EPC1: variants seen among roughly 807,000 people sequenced by gnomAD.
EPC1 encodes enhancer of polycomb 1.
Under a neutral mutation model 98.4 loss-of-function variants are expected in EPC1, and 12 were observed. The ratio of observed to expected loss-of-function variants is 0.12; its 90% CI spans 0.08 to 0.20. The LOEUF (loss-of-function observed/expected upper bound fraction) is 0.20, where lower values mean the gene tolerates loss of function less well. EPC1 is among the 10% of genes least tolerant of loss of function. The pLI, the probability that EPC1 is intolerant of heterozygous loss-of-function variation, is 1.00. For missense variants in EPC1, 729 were observed against 990.5 expected (o/e 0.74, Z 3.54); for synonymous variants, 357 against 363.9 (o/e 0.98, Z 0.21).
At position 32,269,153 on chromosome 10, in the gene EPC1, A is replaced by T; in HGVS notation, c.2370-18T>A. The T allele has an allele frequency of 1.9e-6, 3 of 1,601,806 alleles. No homozygotes were observed. Among genetic ancestry groups the T allele is most frequent in the Non-Finnish European group, 2.6e-6 (3 of 1,169,654 alleles). On this transcript the variant is annotated intron_variant, in intron 13 of 13. Transcript: ENST00000319778. ...GATTTTCCCTGTTGAAATAAAGTTCAATCAATTACTTATCTACAACATAAA... is the reference window on the plus strand; with the variant it reads ...GATTTTCCCTGTTGAAATAAAGTTCTATCAATTACTTATCTACAACATAAA...
rs1431808586 is a variant in EPC1, at chr10:32,267,754, G to A, written c.*1309C>T. The A allele has an allele frequency of 6.6e-6, 1 of 152,176 alleles. No individual in the cohort carries two copies. Among genetic ancestry groups the A allele is most frequent in the African/African-American group, 2.4e-5 (1 of 41,436 alleles). The allele number at this position is 152,176 out of a possible 1,614,324, so 9.4% of individuals were successfully genotyped here. On this transcript the variant is annotated 3_prime_UTR_variant, in exon 14 of 14. Coordinates refer to ENST00000319778, the MANE Select transcript of EPC1 (RefSeq NM_001272004.3). ...AAAAGCAAAAGACCACTACACATTA[G>A]TTTGTCAACATGTAATGCCCTGGGT...
intron 10 of EPC1, among the ~76,000 whole-genome samples, chr10:32,279,944 A>G (rs988283653): frequency 1.3e-5 from 2 of 152,092 alleles, no homozygotes; most frequent in Non-Finnish European, 2.9e-5. Flanking sequence ...GTTCCTTACC[A>G]CTGTGTTATC....
intron 1 of EPC1, among the ~76,000 whole-genome samples, chr10:32,374,852 G>T (rs973729811): frequency 6.6e-6 from 1 of 151,736 alleles, no homozygotes; most frequent in African/African-American, 2.4e-5. Flanking sequence ...TAATAGATGG[G>T]GGAAGATCTA....
chr10:32,309,718 G>C (rs980784382), intron 1 of EPC1, among the ~76,000 whole-genome samples: 1 of 147,778 alleles, frequency 6.8e-6, no homozygotes, highest in Non-Finnish European at 1.5e-5. Context: ...TAAAGAAGAA[G>C]AACAATGTAG....
At chr10:32,283,124 T>A (rs1439591532) in intron 10 of EPC1, 3 of 152,200 alleles carry the variant, frequency 2.0e-5, no homozygotes, top group African/African-American at 7.2e-5. Flanking sequence ...TTCATAGAAG[T>A]ACAGCTGACC....
chr10:32,273,743 T>C (rs1835949343), intron 10 of EPC1, among the ~76,000 whole-genome samples: 1 of 152,194 alleles, frequency 6.6e-6, no homozygotes, highest in Admixed American at 6.6e-5. Flanking sequence ...TGTGTATATA[T>C]ACTAATAGTT....
At chr10:32,332,508 C>T (rs746505068) in intron 1 of EPC1, among the ~76,000 whole-genome samples, 2 of 152,158 alleles carry the variant, frequency 1.3e-5, no homozygotes, top group Non-Finnish European at 1.5e-5. Context: ...AAAAGACTTG[C>T]GTGCTGTCTT....
chr10:32,298,562 G>A (rs1592565421), intron 2 of EPC1, among the ~76,000 whole-genome samples: 1 of 152,156 alleles, frequency 6.6e-6, no homozygotes, highest in South Asian at 2.1e-4. Context: ...AGACTGTTGT[G>A]AAGATGTTAT....
intron 1 of EPC1, among the ~76,000 whole-genome samples, chr10:32,327,103 A>G (rs1837342038): frequency 6.7e-6 from 1 of 150,180 alleles, no homozygotes; most frequent in Non-Finnish European, 1.5e-5. Context: ...ACAATGGAAT[A>G]ATATTCAGCT....
rs535300277 is a variant in EPC1 at position 32,273,180 on chromosome 10, A to C, written c.1846T>G (p.Ser616Ala). 5.6e-6 allele frequency: 9 copies of C among 1,614,138 alleles called. No individual in the cohort carries two copies. Among genetic ancestry groups the C allele is most frequent in the Admixed American group, 3.3e-5 (2 of 60,020 alleles). The stretch of plus-strand genomic sequence containing the variant: ...TCCCTCACCTGTGATGTGTTGGTGG[A>C]GGAATTACTATTTGCTTGCTGTTGC... Reference protein sequence around the residue: ...IQQQQANSNSSTNTSQGFVSK... With the variant: ...IQQQQANSNSATNTSQGFVSK... The change falls in exon 11 of 14, where the codon TCC becomes GCC. Residue 616 changes from serine to alanine, a missense_variant. Ser to Ala is a moderately conservative substitution (Grantham distance 99, BLOSUM62 1). Around this residue, in one of 6 missense-constraint regions of EPC1, gnomAD observed 390 missense variants for 438.6 expected, o/e 0.89. Coordinates refer to ENST00000319778, the MANE Select transcript of EPC1 (RefSeq NM_001272004.3).
intron 13 of EPC1, among the ~76,000 whole-genome samples, chr10:32,270,413 A>G (rs907145174): frequency 6.6e-6 from 1 of 152,370 alleles, no homozygotes; most frequent in African/African-American, 2.4e-5. Context: ...ACAACATAAT[A>G]GAGCATAAGC....
chr10:32,307,018 A>C (rs1211993417), intron 1 of EPC1, among the ~76,000 whole-genome samples: 1 of 152,180 alleles, frequency 6.6e-6, no homozygotes, highest in African/African-American at 2.4e-5. Context: ...TAAATATGTA[A>C]AGGAATATAT....
intron 2 of EPC1, among the ~76,000 whole-genome samples, chr10:32,305,006 CCTTA>C (rs1592575114): frequency 6.6e-6 from 1 of 151,766 alleles, no homozygotes; most frequent in East Asian, 1.9e-4. Context: ...AGGAATTTTA[CCTTA>C]CTAACCTTTC....
At chr10:32,344,763 G>T (rs545211863) in intron 1 of EPC1, among the ~76,000 whole-genome samples, 2 of 152,266 alleles carry the variant, frequency 1.3e-5, no homozygotes, top group South Asian at 4.1e-4. Context: ...CTCCAGCCTG[G>T]GCAACAGAGT....
intron 1 of EPC1, among the ~76,000 whole-genome samples, chr10:32,334,126 T>G (rs537215015): frequency 6.6e-6 from 1 of 152,208 alleles, no homozygotes; most frequent in Non-Finnish European, 1.5e-5. Context: ...GAATTGAGAC[T>G]CACCTAAGGA....
chr10:32,346,305 C>T (rs1393441063), intron 1 of EPC1, among the ~76,000 whole-genome samples: 2 of 152,302 alleles, frequency 1.3e-5, no homozygotes, highest in South Asian at 4.1e-4. Context: ...CCGGCCCGGG[C>T]AGCGGCGCGC....
At chr10:32,326,011 C>A (rs1157082625) in intron 1 of EPC1, among the ~76,000 whole-genome samples, 1 of 152,112 alleles carries the variant, frequency 6.6e-6, no homozygotes, top group African/African-American at 2.4e-5. Flanking sequence ...AGGATAAAGA[C>A]CTTAAACTCA....
chr10:32,320,130 G>T (rs1445903348), intron 1 of EPC1, among the ~76,000 whole-genome samples: 1 of 151,668 alleles, frequency 6.6e-6, no homozygotes, highest in African/African-American at 2.4e-5. Context: ...AATGCTCTAT[G>T]TACTTACTAC....
At chr10:32,333,254 C>T (rs1175703155) in intron 1 of EPC1, among the ~76,000 whole-genome samples, 1 of 152,138 alleles carries the variant, frequency 6.6e-6, no homozygotes, top group Admixed American at 6.5e-5. Context: ...GCAGGAGAAT[C>T]GCTTGAACCT....
Sources: allele counts gnomAD v4.1 joint callset (sites outside exome capture counted in the v4.1 genomes callset), GRCh38; gene constraint gnomAD v4.1.1; regional missense constraint gnomAD v4.1.1; transcripts MANE v1.5; gene names NCBI Gene and HGNC (gene_info 2026-07-23, HGNC 2026-07-21).